MEP1A: variants seen among roughly 807,000 people sequenced by gnomAD.
The protein encoded by MEP1A is meprin A subunit alpha.
Under a neutral mutation model 84.5 loss-of-function variants are expected in MEP1A, and 68 were observed. The observed-to-expected ratio is 0.80, with a 90% CI of 0.66 to 0.98. The LOEUF is 0.98. Among genes scored for constraint, MEP1A ranks in the 50% least tolerant of loss-of-function variants. MEP1A has a pLI of 0.00. For missense variants in MEP1A, 887 were observed against 919.9 expected, an observed-to-expected ratio of 0.96 and a Z score of 0.46; for synonymous variants, 337 against 336.8, an observed-to-expected ratio of 1.00 and a Z score of -0.01.
intron 3 of MEP1A, among the ~76,000 whole-genome samples, chr6:46,797,820 T>TTCTTTCTC: frequency 1.1e-5 from 1 of 94,190 alleles, no homozygotes; most frequent in Middle Eastern, 5.6e-3. Flanking sequence ...CTTTCTTTCT[T>TTCTTTCTC]TCTTTCTTTC....
intron 5 of MEP1A, among the ~76,000 whole-genome samples, chr6:46,800,176 C>G (rs576178403): frequency 6.6e-6 from 1 of 152,346 alleles, no homozygotes; most frequent in East Asian, 1.9e-4. Flanking sequence ...GAAACACCAA[C>G]TTTAAAAGGG....
In MEP1A at chr6:46,798,625, T is replaced by C; in HGVS notation, c.165T>C (p.Phe55=). 2 of 1,614,094 alleles carry C rather than the reference T, an allele frequency of 1.2e-6. No homozygotes were observed. Among genetic ancestry groups the C allele is most frequent in the Non-Finnish European group, 1.7e-6 (2 of 1,179,990 alleles). Residue 55 remains phenylalanine (F), a synonymous_variant, in exon 4 of 14, where the codon TTT becomes TTC. Coordinates refer to ENST00000230588, the MANE Select transcript of MEP1A (RefSeq NM_005588.3). ...TTCCAGCTGCAGGCTTGGACCTCTT[T>C]CAAGGGGACATCCTCTTGCAGGTGA... The part of the protein sequence containing the change: ...EINLAAGLDL[F]QGDILLQKSR...
chr6:46,845,724 A>T, the MEP1A span, among the ~76,000 whole-genome samples: 2 of 152,196 alleles, frequency 1.3e-5, no homozygotes, highest in African/African-American at 4.8e-5. Flanking sequence ...GAGAGACAAC[A>T]ACATAAAAGG....
chr6:46,811,841 A>G (rs114749170), intron 6 of MEP1A, among the ~76,000 whole-genome samples: 1,783 of 152,160 alleles, frequency 0.012, 33 homozygotes, highest in African/African-American at 0.041. Flanking sequence ...ATGTTGAATT[A>G]TCTTTTTGAT....
intron 8 of MEP1A, 100 bp from the exon 9 acceptor site, chr6:46,826,254 C>A: frequency 9.6e-7 from 1 of 1,045,180 alleles, no homozygotes; most frequent in Non-Finnish European, 1.3e-6. Flanking sequence ...GCTTGTGATC[C>A]TGTCATATCT....
intron 10 of MEP1A, among the ~76,000 whole-genome samples, chr6:46,829,832 G>A (rs575884512): frequency 6.6e-6 from 1 of 152,224 alleles, no homozygotes; most frequent in South Asian, 2.1e-4. Context: ...AAGCCAATCA[G>A]AATATACAAA....
intron 5 of MEP1A, among the ~76,000 whole-genome samples, chr6:46,803,396 A>T (rs541740882): frequency 6.6e-6 from 1 of 151,714 alleles, no homozygotes; most frequent in Admixed American, 6.6e-5. Flanking sequence ...ATAATATCTC[A>T]TTATCTTTAT....
intron 9 of MEP1A, among the ~76,000 whole-genome samples, chr6:46,827,588 A>G (rs1433073694): frequency 2.6e-5 from 4 of 152,300 alleles, no homozygotes; most frequent in African/African-American, 7.2e-5. Context: ...CCCAGAAGGA[A>G]CACAGCCTGT....
chr6:46,839,128 A>G lies in MEP1A; in HGVS notation c.2233A>G (p.Arg745Gly). 6.2e-7 allele frequency: 1 copy of G among 1,612,250 alleles called. No homozygotes were observed. ...CATCGCCATCCTTTCCCAAAGGCCAAGGAAGTGACCTGCCTGCTGGCATTG... is the reference window on the plus strand; with the variant it reads ...CATCGCCATCCTTTCCCAAAGGCCAGGGAAGTGACCTGCCTGCTGGCATTG... ...SIIAILSQRP[R>G]K The change falls in exon 14 of 14, where the codon AGG becomes GGG. Residue 745 changes from arginine to glycine, a missense_variant. By Grantham distance (125) the Arg-to-Gly change is moderately radical. Coordinates refer to ENST00000230588, the MANE Select transcript of MEP1A (RefSeq NM_005588.3).
At chr6:46,810,114 A>T (rs1391390684) in intron 6 of MEP1A, among the ~76,000 whole-genome samples, 1 of 151,916 alleles carries the variant, frequency 6.6e-6, no homozygotes, top group Middle Eastern at 3.4e-3. Context: ...CACTGCATCC[A>T]CACCAATATA....
intron 6 of MEP1A, among the ~76,000 whole-genome samples, chr6:46,815,927 CATTT>C (rs537040638): frequency 6.6e-6 from 1 of 151,944 alleles, no homozygotes; most frequent in Non-Finnish European, 1.5e-5. Flanking sequence ...GGAGCTTATT[CATTT>C]ATTTATTTAT....
At chr6:46,815,456 C>T (rs1767612628) in intron 6 of MEP1A, among the ~76,000 whole-genome samples, 1 of 152,230 alleles carries the variant, frequency 6.6e-6, no homozygotes, top group Admixed American at 6.5e-5. Flanking sequence ...GCCCCTTCAA[C>T]AGCACTGAGT....
At chr6:46,796,656 C>T (rs1453540345) in intron 3 of MEP1A, among the ~76,000 whole-genome samples, 2 of 152,128 alleles carry the variant, frequency 1.3e-5, no homozygotes, top group African/African-American at 4.8e-5. Context: ...ACTACATGAA[C>T]AAATTGGGTA....
chr6:46,843,576 A>T (rs1026975203), downstream of MEP1A, among the ~76,000 whole-genome samples: 1 of 152,222 alleles, frequency 6.6e-6, no homozygotes, highest in African/African-American at 2.4e-5. Context: ...TTTTGATAGG[A>T]TCTTTCAAAT....
At chr6:46,804,386 A>G (rs1767263883) in intron 5 of MEP1A, among the ~76,000 whole-genome samples, 1 of 151,754 alleles carries the variant, frequency 6.6e-6, no homozygotes, top group Non-Finnish European at 1.5e-5. Flanking sequence ...AAAAACTTTT[A>G]AATAATCAAA....
At chr6:46,845,286 C>T in the MEP1A span, among the ~76,000 whole-genome samples, 1 of 152,200 alleles carries the variant, frequency 6.6e-6, no homozygotes, top group Non-Finnish European at 1.5e-5. Flanking sequence ...CTTCCTCTAT[C>T]CTAATGACTG....
chr6:46,829,179 G>A (rs1285238032), intron 9 of MEP1A, among the ~76,000 whole-genome samples, 177 bp from the exon 10 acceptor site: 1 of 152,230 alleles, frequency 6.6e-6, no homozygotes, highest in Non-Finnish European at 1.5e-5. Context: ...CAGTGACTAA[G>A]TCCATTGAGA....
chr6:46,844,042 T>C (rs188964062), downstream of MEP1A, among the ~76,000 whole-genome samples: 29 of 152,344 alleles, frequency 1.9e-4, no homozygotes, highest in African/African-American at 7.0e-4. Context: ...GGTATATCAG[T>C]TTTATGGATA....
Position 46,819,548 on chromosome 6 carries a change from G to A in MEP1A, c.400G>A (p.Asp134Asn), listed in dbSNP as rs755411781. 3.1e-6 allele frequency: 5 copies of A among 1,611,634 alleles called. No homozygotes were observed. Among genetic ancestry groups the A allele is most frequent in the Middle Eastern group, 1.7e-4 (1 of 6,050 alleles). Reference sequence around the variant, plus strand: ...TTAAAGGTGCTGGTCTGAGGTTGGTGACCAACATGTGGGACAGAACATTTC... The same window carrying A: ...TTAAAGGTGCTGGTCTGAGGTTGGTAACCAACATGTGGGACAGAACATTTC... ...QFDGCWSEVG[D>N]QHVGQNISIG... The change falls in exon 7 of 14, where the codon GAC becomes AAC. Residue 134 changes from aspartate to asparagine, a missense_variant. Transcript: ENST00000230588.
Sources: gnomAD v4.1 joint callset for allele counts (sites outside exome capture counted in the v4.1 genomes callset) on GRCh38, gnomAD v4.1.1 for gene constraint, MANE v1.5 for transcripts, NCBI Gene and HGNC (gene_info 2026-07-23, HGNC 2026-07-21) for gene names.